Variants in FBXO34 observed in about 807,000 individuals in gnomAD.
FBXO34 encodes the protein F-box protein 34.
A neutral mutation model predicts 24.5 loss-of-function variants in FBXO34; 12 were observed. That is an observed-to-expected ratio of 0.49 (90% CI 0.31 to 0.79). FBXO34 has a LOEUF of 0.79. Among genes scored for constraint, FBXO34 ranks in the 30% least tolerant of loss-of-function variants. FBXO34 has a pLI of 0.04. For synonymous variants in FBXO34, 320 were observed against 311.9 expected (o/e 1.03, Z -0.27); for missense variants, 823 against 857.7 (o/e 0.96, Z 0.51).
chr14:55,361,458 C>A (rs1884594570), intron 3 of FBXO34, among the ~76,000 whole-genome samples: 1 of 152,138 alleles, frequency 6.6e-6, no homozygotes, highest in Non-Finnish European at 1.5e-5. Context: ...CTTAACAGGC[C>A]TAGGATTTTT....
intron 1 of FBXO34, among the ~76,000 whole-genome samples, chr14:55,332,597 A>C (rs1237629144): frequency 6.6e-6 from 1 of 152,234 alleles, no homozygotes; most frequent in Non-Finnish European, 1.5e-5. Context: ...GAAGTATAAT[A>C]CATGATGGGA....
At chr14:55,437,053 A>G in the FBXO34 span, 1 of 1,558,248 alleles carries the variant, frequency 6.4e-7, no homozygotes, top group African/African-American at 1.4e-5. Flanking sequence ...ACAAAAACAC[A>G]ACAGACAGAA....
At chr14:55,411,873 G>A in the FBXO34 span, 5 of 1,503,172 alleles carry the variant, frequency 3.3e-6, no homozygotes, top group Admixed American at 6.0e-5. Context: ...TCAACCGGGT[G>A]CATTCTGGGC....
intron 1 of FBXO34, among the ~76,000 whole-genome samples, chr14:55,339,095 AATT>A (rs1206107654): frequency 6.6e-6 from 1 of 152,182 alleles, no homozygotes; most frequent in Non-Finnish European, 1.5e-5. Context: ...CTGACTCAAT[AATT>A]TCACTTTTGG....
At chr14:55,385,435 G>A in the FBXO34 span, among the ~76,000 whole-genome samples, 1 of 152,174 alleles carries the variant, frequency 6.6e-6, no homozygotes, top group Non-Finnish European at 1.5e-5. Context: ...TGGGACTACA[G>A]GCACGCGCCA....
intron 3 of FBXO34, among the ~76,000 whole-genome samples, chr14:55,359,219 C>T (rs895544094): frequency 2.0e-5 from 3 of 152,128 alleles, no homozygotes; most frequent in Non-Finnish European, 2.9e-5. Context: ...AGCTCTTCTT[C>T]AGCTTCCCAA....
At chr14:55,276,578 C>T (rs1036833127) in intron 1 of FBXO34, among the ~76,000 whole-genome samples, 8 of 151,990 alleles carry the variant, frequency 5.3e-5, no homozygotes, top group African/African-American at 1.7e-4. Flanking sequence ...GGCTAACGCT[C>T]AAAATTCTCT....
the FBXO34 span, among the ~76,000 whole-genome samples, chr14:55,433,095 A>C: frequency 6.6e-6 from 1 of 152,088 alleles, no homozygotes; most frequent in African/African-American, 2.4e-5. Context: ...TCGGTTTAAT[A>C]GGGGAAACTG....
the FBXO34 span, chr14:55,411,829 C>T: frequency 1.1e-5 from 18 of 1,583,632 alleles, no homozygotes; most frequent in South Asian, 1.1e-5. Context: ...CCATGATGGC[C>T]TGAGAGGAGA....
At chr14:55,330,615 T>C (rs1883501066) in intron 1 of FBXO34, among the ~76,000 whole-genome samples, 1 of 152,078 alleles carries the variant, frequency 6.6e-6, no homozygotes, top group South Asian at 2.1e-4. Context: ...GAGACATCTC[T>C]ACAAAAAAAA....
In FBXO34 at chr14:55,352,756, T is replaced by G; in HGVS notation, c.*230T>G. The G allele has an allele frequency of 2.1e-6, 1 of 469,560 alleles. No individual in the cohort carries two copies. The highest frequency in any genetic ancestry group is 3.9e-6 in the Non-Finnish European group (1 of 258,118). The allele number at this position is 469,560 out of a possible 1,614,324, so 29.1% of individuals were successfully genotyped here. Reference sequence around the variant, plus strand: ...TTTGAACCCGGGTGGTATCCCACAGTTGGATTCAGTTGGCTGTGAATAACT... The same window carrying G: ...TTTGAACCCGGGTGGTATCCCACAGGTGGATTCAGTTGGCTGTGAATAACT... On this transcript the variant is annotated 3_prime_UTR_variant, in exon 2 of 2. Transcript: ENST00000313833.
intron 1 of FBXO34, among the ~76,000 whole-genome samples, chr14:55,295,689 C>A (rs1232630255): frequency 1.3e-5 from 2 of 152,132 alleles, no homozygotes; most frequent in African/African-American, 4.8e-5. Flanking sequence ...AGCCACTGCG[C>A]CCAGCTGAGG....
chr14:55,302,298 ATAGG>A (rs1566546912), intron 1 of FBXO34, among the ~76,000 whole-genome samples: 1 of 152,188 alleles, frequency 6.6e-6, no homozygotes, highest in Non-Finnish European at 1.5e-5. Context: ...ATAGAGATAG[ATAGG>A]TAGATAGGTA....
At chr14:55,359,739 C>G (rs1057080470) in intron 3 of FBXO34, among the ~76,000 whole-genome samples, 3 of 152,142 alleles carry the variant, frequency 2.0e-5, no homozygotes, top group African/African-American at 7.2e-5. Context: ...TAACTTACTT[C>G]AAAATCTCAA....
chr14:55,341,545 T>G (rs1016532128), intron 1 of FBXO34, among the ~76,000 whole-genome samples: 1 of 152,178 alleles, frequency 6.6e-6, no homozygotes, highest in Admixed American at 6.5e-5. Context: ...AATATTAGAA[T>G]AGGTAAAATA....
chr14:55,335,621 CTTTG>C (rs1883749032), intron 1 of FBXO34, among the ~76,000 whole-genome samples: 1 of 152,148 alleles, frequency 6.6e-6, no homozygotes, highest in Non-Finnish European at 1.5e-5. Context: ...GTGCATTTGG[CTTTG>C]TTTAAAATTC....
chr14:55,374,383 T>C (rs774054955), downstream of FBXO34, among the ~76,000 whole-genome samples: 30 of 152,200 alleles, frequency 2.0e-4, no homozygotes, highest in Admixed American at 5.9e-4. Flanking sequence ...TGTCTATTTT[T>C]CTAATAGGTT....
chr14:55,365,389 C>A (rs932448923), downstream of FBXO34, among the ~76,000 whole-genome samples: 1 of 152,120 alleles, frequency 6.6e-6, no homozygotes, highest in African/African-American at 2.4e-5. Context: ...CTTCAACTAT[C>A]TAAGCACTGG....
At chr14:55,408,797 G>A in the FBXO34 span, among the ~76,000 whole-genome samples, 3 of 152,080 alleles carry the variant, frequency 2.0e-5, no homozygotes, top group Admixed American at 6.5e-5. Context: ...AATAAATCAC[G>A]TACCAAGTGG....
Sources: gnomAD v4.1 joint callset for allele counts (sites outside exome capture counted in the v4.1 genomes callset) on GRCh38, gnomAD v4.1.1 for gene constraint, MANE v1.5 for transcripts, NCBI Gene and HGNC (gene_info 2026-07-23, HGNC 2026-07-21) for gene names.